Variants in PTPRG observed in about 807,000 individuals in gnomAD.
PTPRG encodes protein tyrosine phosphatase receptor type G.
In PTPRG, 102 loss-of-function variants were observed where a neutral mutation model predicts 165.3. The observed-to-expected ratio is 0.62, with a 90% confidence interval of 0.53 to 0.73. PTPRG has a LOEUF of 0.73. Among genes scored for constraint, PTPRG ranks in the 30% least tolerant of loss-of-function variants. The pLI is 0.00. For synonymous variants in PTPRG, 675 were observed against 669.5 expected (o/e 1.01, Z -0.13); for missense variants, 1,866 against 1,861.4 (o/e 1.00, Z -0.05).
In PTPRG at chr3:62,191,564, C is replaced by A; in HGVS notation, c.1129C>A (p.Pro377Thr). ...CCAGCCGGAGACTATCTACCACCCACCCATCATGAACTACATGATCTCCTA... is the reference window on the plus strand; with the variant it reads ...CCAGCCGGAGACTATCTACCACCCAACCATCATGAACTACATGATCTCCTA... ...WSQPETIYHP[P>T]IMNYMISYSW... Residue 377 changes from proline (P) to threonine (T), a missense_variant, in exon 9 of 30, where the codon CCC (proline) becomes ACC (threonine). By Grantham distance (38) the Pro-to-Thr change is conservative. Coordinates refer to ENST00000474889, the MANE Select transcript of PTPRG (RefSeq NM_002841.4). 1 of 1,614,134 alleles carries A rather than the reference C, an allele frequency of 6.2e-7. No homozygotes were observed. The highest frequency in any genetic ancestry group is 1.1e-5 in the South Asian group (1 of 91,074).
intron 4 of PTPRG, among the ~76,000 whole-genome samples, chr3:62,004,977 C>G (rs2041261082): frequency 6.6e-6 from 1 of 152,138 alleles, no homozygotes; most frequent in Admixed American, 6.6e-5. Flanking sequence ...ATTTTTGAAC[C>G]CTCTAAGTAT....
At chr3:62,081,273 C>T (rs370620675) in intron 5 of PTPRG, among the ~76,000 whole-genome samples, 2 of 101,438 alleles carry the variant, frequency 2.0e-5, no homozygotes, top group African/African-American at 3.5e-5. Flanking sequence ...AACAAACAAA[C>T]AAACAAACAA....
chr3:61,666,188 A>C (rs1327923522), intron 1 of PTPRG, among the ~76,000 whole-genome samples: 1 of 152,220 alleles, frequency 6.6e-6, no homozygotes, highest in African/African-American at 2.4e-5. Flanking sequence ...TGTTCCTCTT[A>C]TGCCGGCTGG....
At chr3:61,883,327 C>T (rs1429379807) in intron 2 of PTPRG, among the ~76,000 whole-genome samples, 1 of 152,136 alleles carries the variant, frequency 6.6e-6, no homozygotes, top group Non-Finnish European at 1.5e-5. Flanking sequence ...TGGGGAGGCT[C>T]CTGATGTTCC....
chr3:61,831,893 G>T (rs2036306495), intron 2 of PTPRG, among the ~76,000 whole-genome samples: 1 of 152,072 alleles, frequency 6.6e-6, no homozygotes, highest in Non-Finnish European at 1.5e-5. Context: ...TTTCTAATTG[G>T]TTCAGATGAG....
chr3:61,832,509 G>C (rs1214042623), intron 2 of PTPRG, among the ~76,000 whole-genome samples: 3 of 152,036 alleles, frequency 2.0e-5, no homozygotes, highest in Non-Finnish European at 4.4e-5. Context: ...TCTGGCTTTG[G>C]AACTAGCTCT....
intron 2 of PTPRG, among the ~76,000 whole-genome samples, chr3:61,894,301 C>CAAAAAAAAAAAAAAAAAAAAAAAAAAAA (rs767479285): frequency 6.0e-5 from 3 of 49,850 alleles, no homozygotes; most frequent in African/African-American, 2.0e-4. Context: ...GACTCTGTGT[C>CAAAAAAAAAAAAAAAAAAAAAAAAAAAA]AAAAAAAAAA....
In PTPRG at chr3:61,989,625, G is replaced by A; in HGVS notation, c.191G>A (p.Gly64Asp). The A allele has an allele frequency of 6.2e-7, 1 of 1,611,920 alleles. No individual in the cohort carries two copies. The highest frequency in any genetic ancestry group is 1.1e-5 in the South Asian group (1 of 90,488). The change falls in exon 3 of 30, where the codon GGT (glycine) becomes GAT (aspartate). Residue 64 changes from glycine to aspartate, a missense_variant and splice_region_variant. This residue lies in a region of PTPRG where 408 missense variants were observed against 376.2 expected (regional missense o/e 1.08). Coordinates refer to ENST00000474889, the MANE Select transcript of PTPRG (RefSeq NM_002841.4). ...ASGDPYWAYS[G>D]AYGPEHWVTS... ...TTGAAGTGTTGTCTTCTTTCAACAG[G>A]TGCCTATGGTCCTGAGCACTGGGTC...
intron 3 of PTPRG, among the ~76,000 whole-genome samples, chr3:62,000,819 T>C (rs2041156297): frequency 6.6e-6 from 1 of 151,924 alleles, no homozygotes; most frequent in Non-Finnish European, 1.5e-5. Flanking sequence ...TAGAAATGAG[T>C]TTGGAAATAA....
intron 5 of PTPRG, among the ~76,000 whole-genome samples, chr3:62,098,423 C>G (rs942263147): frequency 1.3e-5 from 2 of 152,198 alleles, no homozygotes; most frequent in East Asian, 3.9e-4. Flanking sequence ...ATATAAGGGA[C>G]TTATGCATCT....
chr3:62,139,565 G>A (rs1003761438), intron 6 of PTPRG, among the ~76,000 whole-genome samples: 3 of 152,130 alleles, frequency 2.0e-5, no homozygotes, highest in African/African-American at 7.2e-5. Context: ...TCCCTTCCCT[G>A]GCTCTTCCAA....
At chr3:62,075,494 A>C (rs1424857269) in intron 4 of PTPRG, among the ~76,000 whole-genome samples, 1 of 152,198 alleles carries the variant, frequency 6.6e-6, no homozygotes, top group Non-Finnish European at 1.5e-5. Context: ...ATTTGTAAGA[A>C]ACTGCCAGAA....
intron 1 of PTPRG, among the ~76,000 whole-genome samples, chr3:61,738,867 T>C (rs1219656704): frequency 1.3e-5 from 2 of 151,962 alleles, no homozygotes; most frequent in Non-Finnish European, 2.9e-5. Context: ...CTCAGACTCC[T>C]GGGCACAAGT....
At chr3:61,927,622 C>T (rs541601888) in intron 2 of PTPRG, among the ~76,000 whole-genome samples, 7 of 152,120 alleles carry the variant, frequency 4.6e-5, no homozygotes, top group African/African-American at 1.4e-4. Flanking sequence ...TGCTGCTAAC[C>T]GTGTGAGTCT....
intron 1 of PTPRG, among the ~76,000 whole-genome samples, chr3:61,725,710 CTT>C (rs10581346): frequency 0.12 from 16,829 of 137,146 alleles, 1,155 homozygotes; most frequent in East Asian, 0.22. Flanking sequence ...CTACCCCCAC[CTT>C]TTTTTTTTTT....
chr3:62,149,437 C>A (rs1704244889), intron 6 of PTPRG, among the ~76,000 whole-genome samples: 2 of 152,146 alleles, frequency 1.3e-5, no homozygotes, highest in Non-Finnish European at 1.5e-5. Flanking sequence ...CCATACCTGG[C>A]TAATTTTTGT....
chr3:62,086,448 A>C (rs1191010997), intron 5 of PTPRG, among the ~76,000 whole-genome samples: 13 of 152,090 alleles, frequency 8.5e-5, no homozygotes. Flanking sequence ...GAGAAAATTG[A>C]GTTTGTGTTG....
chr3:61,666,624 T>C (rs957314180), intron 1 of PTPRG, among the ~76,000 whole-genome samples: 13 of 152,232 alleles, frequency 8.5e-5, no homozygotes, highest in African/African-American at 3.1e-4. Context: ...TCGCTGGTTT[T>C]CTCAAAACCT....
Position 62,078,060 on chromosome 3 carries a change from A to C in PTPRG, c.520-103A>C, listed in dbSNP as rs563945403. ...TGAACAGGTGAATAAATTTGGCAAA[A>C]TCTTATTAGCAACTGGGGAATATAC... On this transcript the variant is annotated intron_variant, in intron 4 of 29. Transcript: ENST00000474889. 2.8e-5 allele frequency: 22 copies of C among 787,808 alleles called. 1 individual carries two copies. Among genetic ancestry groups the C allele is most frequent in the Middle Eastern group, 7.0e-4 (2 of 2,840 alleles). 48.8% of individuals were successfully genotyped at this position (787,808 alleles called of 1,614,324 possible).
Sources: gnomAD v4.1 joint callset for allele counts (sites outside exome capture counted in the v4.1 genomes callset) on GRCh38, gnomAD v4.1.1 for gene constraint, gnomAD v4.1.1 regional missense constraint, MANE v1.5 for transcripts, NCBI Gene and HGNC (gene_info 2026-07-23, HGNC 2026-07-21) for gene names.